The following SIX5 variants were observed in gnomAD, a reference collection of about 807,000 sequenced individuals.
SIX5 encodes homeobox protein SIX5.
Under a neutral mutation model 37.1 loss-of-function variants are expected in SIX5, and 21 were observed. The ratio of observed to expected loss-of-function variants is 0.57; its 90% CI spans 0.40 to 0.81. The LOEUF is 0.81. Among genes scored for constraint, SIX5 ranks in the 40% least tolerant of loss-of-function variants. The probability of loss-of-function intolerance (pLI) is 0.00; values close to 1 mark genes in which losing one functional copy is unlikely to be tolerated. For synonymous variants in SIX5, 626 were observed against 505.9 expected (o/e 1.24, Z -3.19); for missense variants, 1,137 against 1,025.1 (o/e 1.11, Z -1.49).
At chr19:45,767,249 G>C in intron 1 of SIX5, 94 bp from the exon 2 acceptor site, 1 of 1,325,248 alleles carries the variant, frequency 7.5e-7, no homozygotes, top group Non-Finnish European at 1.0e-6. Flanking sequence ...CCTGGCCCAA[G>C]TTTCGGTGGA....
At chr19:45,767,282 T>C in intron 1 of SIX5, 127 bp from the exon 2 acceptor site, 1 of 949,148 alleles carries the variant, frequency 1.1e-6, no homozygotes, top group Non-Finnish European at 1.6e-6. Flanking sequence ...TTATGACGCC[T>C]CTCTGAGACC....
Position 45,768,779 on chromosome 19 carries a change from CGCCGCCGCCACCGCCTCCCCCCCA to C in SIX5, c.42_65del (p.Gly15_Ala22del). ...CCTCCTCCTCCTCTTCGGTCGCCGC[CGCCGCCGCCACCGCCTCCCCCCCA>C]GCCGCCGGCCCCGCGCTCGGCTCCG... On this transcript the variant is annotated inframe_deletion, in exon 1 of 3. Coordinates refer to ENST00000317578, the MANE Select transcript of SIX5 (RefSeq NM_175875.5). 6.5e-7 allele frequency: 1 copy of C among 1,528,634 alleles called. No homozygotes were observed. Among genetic ancestry groups the C allele is most frequent in the African/African-American group, 1.4e-5 (1 of 72,764 alleles). The allele number at this position is 1,528,634 out of a possible 1,614,324, so 94.7% of individuals were successfully genotyped here. A position where few individuals can be genotyped will look rare whatever the true frequency, so the allele number is the denominator to read the frequency against.
At position 45,768,210 on chromosome 19, in the gene SIX5, G is replaced by C. The variant is rs762064990; in HGVS notation, c.635C>G (p.Ser212Cys). 1 of 1,613,230 alleles carries C rather than the reference G, an allele frequency of 6.2e-7. No individual in the cohort carries two copies. The highest frequency in any genetic ancestry group is 8.5e-7 in the Non-Finnish European group (1 of 1,179,774). The change falls in exon 1 of 3, where the codon TCC becomes TGC. Residue 212 changes from serine to cysteine, a missense_variant. Around this residue, in one of 3 missense-constraint regions of SIX5, gnomAD observed 331 missense variants for 360.9 expected, o/e 0.92. Transcript: ENST00000317578. The part of the protein sequence containing the change: ...EETVYCFKER[S>C]RAALKACYRG... ...GTAGCAGGCCTTGAGCGCTGCGCGG[G>C]AGCGCTCCTTGAAGCAGTAGACTGT...
chr19:45,768,441 A>T lies in SIX5; in HGVS notation c.404T>A (p.Phe135Tyr), dbSNP rs1220046824. ...GAGCTCGGCGTACTCGCCCCGCTGG[A>T]AGGCCACCAGGGCCCGCGCGCGCAA... The part of the protein sequence containing the change: ...PVLRARALVA[F>Y]QRGEYAELYR... Residue 135 changes from phenylalanine (F) to tyrosine (Y), a missense_variant, in exon 1 of 3, where the codon TTC (phenylalanine) becomes TAC (tyrosine). Physicochemically the swap from Phe to Tyr is conservative, Grantham distance 22. Coordinates refer to ENST00000317578, the MANE Select transcript of SIX5 (RefSeq NM_175875.5). 1.3e-6 allele frequency: 2 copies of T among 1,535,170 alleles called. No homozygotes were observed. Among genetic ancestry groups the T allele is most frequent in the Admixed American group, 1.9e-5 (1 of 51,300 alleles).
intron 1 of SIX5, 96 bp from the exon 2 acceptor site, chr19:45,767,251 T>C (rs1408700708): frequency 1.5e-6 from 2 of 1,310,382 alleles, no homozygotes; most frequent in East Asian, 5.0e-5. Flanking sequence ...TGGCCCAAGT[T>C]TCGGTGGATC....
In SIX5 at chr19:45,768,032, G is replaced by C. The variant is rs1460214114; in HGVS notation, c.803+10C>G. The stretch of plus-strand genomic sequence containing the variant: ...GGAGAGCTGGACTTGCGCCGCCCGA[G>C]GCCCCTCACCTCTTGCAGGGCGCGC... On this transcript the variant is annotated intron_variant, in intron 1 of 2. Coordinates refer to ENST00000317578, the MANE Select transcript of SIX5 (RefSeq NM_175875.5). The C allele has an allele frequency of 1.3e-6, 2 of 1,593,180 alleles. No homozygotes were observed. Among genetic ancestry groups the C allele is most frequent in the Non-Finnish European group, 8.5e-7 (1 of 1,177,512 alleles).
Position 45,766,500 on chromosome 19 carries a change from G to A in SIX5, c.1459C>T (p.Leu487=), listed in dbSNP as rs1490261388. The A allele has an allele frequency of 3.3e-6, 5 of 1,514,460 alleles. No homozygotes were observed. The highest frequency in any genetic ancestry group is 1.3e-5 in the South Asian group (1 of 79,344). 93.8% of individuals were successfully genotyped at this position (1,514,460 alleles called of 1,614,324 possible). A position where few individuals can be genotyped will look rare whatever the true frequency, so the allele number is the denominator to read the frequency against. Residue 487 remains leucine, a synonymous_variant, in exon 2 of 3, where the codon CTG becomes TTG. Transcript: ENST00000317578. Reference sequence around the variant, plus strand: ...TGCAGGGGCCCCACAGCCTGGGGCAGGGTCACCACCTGTGAGGTGGGTACT... The same window carrying A: ...TGCAGGGGCCCCACAGCCTGGGGCAAGGTCACCACCTGTGAGGTGGGTACT... ...QVVPTSQVVT[L]PQAVGPLQLL...
chr19:45,768,964 T>G lies in SIX5; in HGVS notation c.-120A>C. The G allele has an allele frequency of 1.0e-6, 1 of 959,360 alleles. No individual in the cohort carries two copies. The highest frequency in any genetic ancestry group is 1.5e-6 in the Non-Finnish European group (1 of 658,326). The allele number at this position is 959,360 out of a possible 1,614,324, so 59.4% of individuals were successfully genotyped here. On this transcript the variant is annotated 5_prime_UTR_variant, in exon 1 of 3. Transcript: ENST00000317578. ...TCCCCGCTCTTCTCGATCTTCTTTC[T>G]GGCCGACCCTGCGCCCCACGCCGGG...
In SIX5 at chr19:45,766,119, GA is replaced by G. The variant is rs1568563938; in HGVS notation, c.1610-9del. 6.2e-7 allele frequency: 1 copy of G among 1,610,324 alleles called. No individual in the cohort carries two copies. The highest frequency in any genetic ancestry group is 8.5e-7 in the Non-Finnish European group (1 of 1,178,544). On this transcript the variant is annotated splice_polypyrimidine_tract_variant and intron_variant, in intron 2 of 2. Transcript: ENST00000317578. Reference sequence around the variant, plus strand: ...TGGCCAGGAGGAAGTTTCCTGTGGGGAGAGAGGGACCGAGCGCAGGTGAGAG... The same window carrying G: ...TGGCCAGGAGGAAGTTTCCTGTGGGGGAGAGGGACCGAGCGCAGGTGAGAG...
chr19:45,767,615 A>C (rs1336088737), intron 1 of SIX5, among the ~76,000 whole-genome samples: 3 of 152,164 alleles, frequency 2.0e-5, no homozygotes, highest in African/African-American at 7.2e-5. Context: ...CAACAAAGGC[A>C]GAAGACGGAC....
chr19:45,768,663 G>A lies in SIX5; in HGVS notation c.182C>T (p.Ala61Val), dbSNP rs1350474618. Reference sequence around the variant, plus strand: ...GACGCCCGGGGATCCCGGGCCCTCAGCTCCCGCAGCCGCTGCGCCCGCCCC... The same window carrying A: ...GACGCCCGGGGATCCCGGGCCCTCAACTCCCGCAGCCGCTGCGCCCGCCCC... ...GAGAGAAAAG[A>V]EGPGSPGVPG... The change falls in exon 1 of 3, where the codon GCT becomes GTT. Residue 61 changes from alanine (A) to valine (V), a missense_variant. Physicochemically the swap from Ala to Val is moderately conservative, Grantham distance 64. Coordinates refer to ENST00000317578, the MANE Select transcript of SIX5 (RefSeq NM_175875.5). 34 of 1,236,544 alleles carry A rather than the reference G, an allele frequency of 2.7e-5. No individual in the cohort carries two copies. The highest frequency in any genetic ancestry group is 3.4e-5 in the Non-Finnish European group (34 of 996,618). The allele number at this position is 1,236,544 out of a possible 1,614,324, so 76.6% of individuals were successfully genotyped here.
chr19:45,767,849 A>T, intron 1 of SIX5, 193 bp downstream of exon 1: 1 of 597,176 alleles, frequency 1.7e-6, no homozygotes, highest in Non-Finnish European at 2.9e-6. Flanking sequence ...GCGTGCGGGG[A>T]GAGGGCCCGG....
At chr19:45,767,905 G>A in intron 1 of SIX5, 137 bp downstream of exon 1, 1 of 931,810 alleles carries the variant, frequency 1.1e-6, no homozygotes, top group South Asian at 1.7e-5. Context: ...CCCCGCGGGC[G>A]CCTGAGATTG....
Position 45,768,525 on chromosome 19 carries a change from A to C in SIX5, c.320T>G (p.Leu107Trp). The C allele has an allele frequency of 6.9e-7, 1 of 1,443,948 alleles. No homozygotes were observed. The highest frequency in any genetic ancestry group is 9.0e-7 in the Non-Finnish European group (1 of 1,107,880). The allele number at this position is 1,443,948 out of a possible 1,614,324, so 89.4% of individuals were successfully genotyped here. The change falls in exon 1 of 3, where the codon TTG becomes TGG. Residue 107 changes from leucine (L) to tryptophan (W), a missense_variant. By Grantham distance (61) the Leu-to-Trp change is moderately conservative (BLOSUM62 -2). Coordinates refer to ENST00000317578, the MANE Select transcript of SIX5 (RefSeq NM_175875.5). ...GGGCAGTGCGCCCAGGAAGCGGCTC[A>C]AGCGGCCGGCGTGGCCCGCCTGGAG... is the stretch of plus-strand genomic sequence containing the variant. ...ALLQAGHAGR[L>W]SRFLGALPPA...
In SIX5 at chr19:45,765,505, A is replaced by G. The variant is rs773110643; in HGVS notation, c.2216T>C (p.Leu739Pro). 6.2e-7 allele frequency: 1 copy of G among 1,613,408 alleles called. No homozygotes were observed. The highest frequency in any genetic ancestry group is 1.1e-5 in the South Asian group (1 of 91,084). ...QSVPVEEPLE[L>P] is the part of the protein sequence containing the mutation. ...AGGCCACGGGGCCACACTGGGTCAC[A>G]GTTCCAAGGGCTCCTCCACAGGCAC... The change falls in exon 3 of 3, where the codon CTG becomes CCG. Residue 739 changes from leucine to proline, a missense_variant. Physicochemically the swap from Leu to Pro is moderately conservative, Grantham distance 98 (BLOSUM62 -3). This residue lies in a region of SIX5 where 787 missense variants were observed against 621.4 expected (regional missense o/e 1.27). Transcript: ENST00000317578.
Position 45,765,599 on chromosome 19 carries a change from C to T in SIX5, c.2122G>A (p.Ala708Thr). Residue 708 changes from alanine (A) to threonine (T), a missense_variant, in exon 3 of 3, where the codon GCC (alanine) becomes ACC (threonine). Ala to Thr is a moderately conservative substitution (Grantham distance 58). This residue lies in a region of SIX5 where 787 missense variants were observed against 621.4 expected (regional missense o/e 1.27). Coordinates refer to ENST00000317578, the MANE Select transcript of SIX5 (RefSeq NM_175875.5). The part of the protein sequence containing the change: ...DPDPEGLLLG[A>T]TAGGEVDEGL... ...TCGTCAACCTCACCCCCTGCGGTGG[C>T]CCCCAGGAGCAGCCCCTCAGGGTCG... The T allele has an allele frequency of 1.2e-6, 2 of 1,613,302 alleles. No homozygotes were observed. Among genetic ancestry groups the T allele is most frequent in the Non-Finnish European group, 1.7e-6 (2 of 1,179,990 alleles).
chr19:45,765,402 T>A lies in SIX5; in HGVS notation c.*99A>T. 1 of 1,557,008 alleles carries A rather than the reference T, an allele frequency of 6.4e-7. No homozygotes were observed. On this transcript the variant is annotated 3_prime_UTR_variant, in exon 3 of 3. Coordinates refer to ENST00000317578, the MANE Select transcript of SIX5 (RefSeq NM_175875.5). The stretch of plus-strand genomic sequence containing the variant: ...CACCCAGGCAGAAGGATGTGGTGAC[T>A]GGGGTCTTCAGCAACCGCATTTCTG...
Position 45,766,649 on chromosome 19 carries a change from G to C in SIX5, c.1310C>G (p.Thr437Ser). The C allele has an allele frequency of 6.8e-7, 1 of 1,480,962 alleles. No individual in the cohort carries two copies. The highest frequency in any genetic ancestry group is 9.0e-7 in the Non-Finnish European group (1 of 1,114,164). 91.7% of individuals were successfully genotyped at this position (1,480,962 alleles called of 1,614,324 possible). Residue 437 changes from threonine (T) to serine (S), a missense_variant, in exon 2 of 3, where the codon ACC becomes AGC. Coordinates refer to ENST00000317578, the MANE Select transcript of SIX5 (RefSeq NM_175875.5). ...CACTGGCCCCGGGGGCAGAGGAAAG[G>C]TGGCAGCCGTCGGGGGGCCAGGCAC... ...QVVPGPPTAATFPLPPGPVPA... is the reference protein window; with the variant it reads ...QVVPGPPTAASFPLPPGPVPA...
rs1158975671 is a variant in SIX5 at position 45,765,544 on chromosome 19, G to C, written c.2177C>G (p.Thr726Ser). ...CTCCACAGGCACCGACTGGAGCTGG[G>C]TCAGAACCTTGGCCTCAGCTTCCAA... Reference protein sequence around the residue: ...EGLEAEAKVLTQLQSVPVEEP... With the variant: ...EGLEAEAKVLSQLQSVPVEEP... The change falls in exon 3 of 3, where the codon ACC (threonine) becomes AGC (serine). Residue 726 changes from threonine (T) to serine (S), a missense_variant. Physicochemically the swap from Thr to Ser is moderately conservative, Grantham distance 58. Coordinates refer to ENST00000317578, the MANE Select transcript of SIX5 (RefSeq NM_175875.5). 1.2e-6 allele frequency: 2 copies of C among 1,613,482 alleles called. No individual in the cohort carries two copies. Among genetic ancestry groups the C allele is most frequent in the Non-Finnish European group, 1.7e-6 (2 of 1,180,024 alleles).
Sources: allele counts gnomAD v4.1 joint callset (sites outside exome capture counted in the v4.1 genomes callset), GRCh38; gene constraint gnomAD v4.1.1; regional missense constraint gnomAD v4.1.1; transcripts MANE v1.5; gene names NCBI Gene and HGNC (gene_info 2026-07-23, HGNC 2026-07-21).